Variants in KCNK2 observed in about 807,000 individuals in gnomAD.
The protein encoded by KCNK2 is potassium two pore domain channel subfamily K member 2, also known as potassium channel subfamily K member 2.
A neutral mutation model predicts 40.5 loss-of-function variants in KCNK2; 21 were observed. The ratio of observed to expected loss-of-function variants is 0.52; its 90% confidence interval spans 0.37 to 0.75. The LOEUF (loss-of-function observed/expected upper bound fraction) is 0.75. Ranked by LOEUF, KCNK2 falls within the 30% of genes least tolerant of loss-of-function variation. KCNK2 has a pLI of 0.00. For missense variants in KCNK2, 399 were observed against 531.6 expected (o/e 0.75, Z 2.45); for synonymous variants, 191 against 202.2 (o/e 0.94, Z 0.47).
chr1:215,185,275 T>C (rs925673311), intron 5 of KCNK2, among the ~76,000 whole-genome samples: 1 of 152,192 alleles, frequency 6.6e-6, no homozygotes, highest in African/African-American at 2.4e-5. Flanking sequence ...CATCACTATC[T>C]CCTTAACTTA....
intron 3 of KCNK2, among the ~76,000 whole-genome samples, chr1:215,152,182 G>T (rs1435695188): frequency 6.8e-6 from 1 of 147,822 alleles, no homozygotes; most frequent in Non-Finnish European, 1.5e-5. Flanking sequence ...TCTACTCTCA[G>T]TGCCTAAATG....
chr1:215,127,935 CA>C (rs1661503214), intron 3 of KCNK2, among the ~76,000 whole-genome samples: 1 of 151,988 alleles, frequency 6.6e-6, no homozygotes, highest in East Asian at 1.9e-4. Flanking sequence ...TTTATTAATT[CA>C]ACAAATAATA....
At chr1:215,114,448 G>A (rs1473965836) in intron 2 of KCNK2, among the ~76,000 whole-genome samples, 1 of 151,914 alleles carries the variant, frequency 6.6e-6, no homozygotes, top group Non-Finnish European at 1.5e-5. Context: ...TATTCCAGTT[G>A]GCTCAAAAAA....
intron 1 of KCNK2, among the ~76,000 whole-genome samples, chr1:215,019,831 T>C (rs1656726467): frequency 6.6e-6 from 1 of 152,240 alleles, no homozygotes; most frequent in African/African-American, 2.4e-5. Flanking sequence ...GCCTCTCTTA[T>C]GCTTTTCCTC....
chr1:215,084,269 G>T (rs951668741), intron 1 of KCNK2, among the ~76,000 whole-genome samples: 1 of 150,784 alleles, frequency 6.6e-6, no homozygotes, highest in African/African-American at 2.4e-5. Flanking sequence ...TGGCCATGTG[G>T]CAATGTCTTA....
chr1:215,210,185 G>T (rs1665678938), intron 6 of KCNK2, among the ~76,000 whole-genome samples: 1 of 148,586 alleles, frequency 6.7e-6, no homozygotes, highest in Non-Finnish European at 1.5e-5. Flanking sequence ...ATATATGTGT[G>T]TGTACACACA....
At chr1:215,212,280 G>A (rs1665773948) in intron 6 of KCNK2, among the ~76,000 whole-genome samples, 1 of 152,100 alleles carries the variant, frequency 6.6e-6, no homozygotes, top group Non-Finnish European at 1.5e-5. Context: ...TCTAGCTAAA[G>A]AGTACCCACT....
intron 1 of KCNK2, among the ~76,000 whole-genome samples, chr1:215,014,773 G>A (rs2601636): frequency 0.56 from 85,103 of 151,884 alleles, 25,526 homozygotes; most frequent in South Asian, 0.78. Context: ...ATAAGGGTGT[G>A]TTCCTTTGGC....
chr1:215,036,768 C>T (rs1657399969), intron 1 of KCNK2, among the ~76,000 whole-genome samples: 1 of 151,760 alleles, frequency 6.6e-6, no homozygotes, highest in Non-Finnish European at 1.5e-5. Context: ...CTTGGTATTT[C>T]ATATATTTTG....
chr1:215,190,221 T>C (rs1451587923), intron 5 of KCNK2, among the ~76,000 whole-genome samples: 1 of 152,118 alleles, frequency 6.6e-6, no homozygotes, highest in Non-Finnish European at 1.5e-5. Flanking sequence ...AGAGGGCCGA[T>C]GGCTGGGAAC....
At chr1:215,190,170 A>G (rs555596971) in intron 5 of KCNK2, among the ~76,000 whole-genome samples, 1 of 152,194 alleles carries the variant, frequency 6.6e-6, no homozygotes, top group Non-Finnish European at 1.5e-5. Context: ...ATTATATTTA[A>G]CTAAGAGGGG....
intron 6 of KCNK2, among the ~76,000 whole-genome samples, chr1:215,226,534 C>A (rs1666392936): frequency 6.6e-6 from 1 of 152,026 alleles, no homozygotes; most frequent in South Asian, 2.1e-4. Flanking sequence ...ACCATGTTAG[C>A]CAGGATGGTC....
intron 6 of KCNK2, among the ~76,000 whole-genome samples, chr1:215,200,521 G>A (rs1042914331): frequency 3.3e-5 from 5 of 152,066 alleles, no homozygotes; most frequent in African/African-American, 1.2e-4. Flanking sequence ...CATTTGAATA[G>A]CTTAGACTTT....
chr1:215,009,145 T>C (rs1656288528), intron 1 of KCNK2, among the ~76,000 whole-genome samples: 1 of 152,180 alleles, frequency 6.6e-6, no homozygotes, highest in Admixed American at 6.5e-5. Flanking sequence ...ATGTATCCTA[T>C]AGTAGCTTTC....
At chr1:215,220,844 T>C (rs933648838) in intron 6 of KCNK2, among the ~76,000 whole-genome samples, 1 of 152,186 alleles carries the variant, frequency 6.6e-6, no homozygotes, top group Non-Finnish European at 1.5e-5. Context: ...CTTTATTCAG[T>C]TGTTACTTTT....
chr1:215,087,059 A>G (rs1659477551), intron 2 of KCNK2, among the ~76,000 whole-genome samples: 1 of 152,216 alleles, frequency 6.6e-6, no homozygotes, highest in African/African-American at 2.4e-5. Context: ...CATGGTTAGG[A>G]TAATCATTGT....
chr1:215,124,083 C>T (rs1005000654), intron 2 of KCNK2, among the ~76,000 whole-genome samples: 1 of 152,114 alleles, frequency 6.6e-6, no homozygotes, highest in African/African-American at 2.4e-5. Context: ...ACATGGACTG[C>T]CTTAAGCTTG....
At chr1:215,214,960 T>C (rs1665897154) in intron 6 of KCNK2, among the ~76,000 whole-genome samples, 1 of 152,244 alleles carries the variant, frequency 6.6e-6, no homozygotes, top group Non-Finnish European at 1.5e-5. Flanking sequence ...TCTCTCCTGC[T>C]TTCTCTTTCT....
rs1293302232 is a variant in KCNK2, at chr1:215,236,656, A to C, written c.*1511A>C. The C allele has an allele frequency of 6.6e-6, 1 of 152,344 alleles. No homozygotes were observed. The highest frequency in any genetic ancestry group is 1.5e-5 in the Non-Finnish European group (1 of 68,028). The allele number at this position is 152,344 out of a possible 1,614,324, so 9.4% of individuals were successfully genotyped here. ...AATTGCTACCCTTTCCTTTATTTTC[A>C]TACTTAGATCTGCTGTACATTGTAT... On this transcript the variant is annotated 3_prime_UTR_variant, in exon 7 of 7. Transcript: ENST00000444842.
Sources: gnomAD v4.1 joint callset for allele counts (sites outside exome capture counted in the v4.1 genomes callset) on GRCh38, gnomAD v4.1.1 for gene constraint, MANE v1.5 for transcripts, NCBI Gene and HGNC (gene_info 2026-07-23, HGNC 2026-07-21) for gene names.